ADGRL2: variants seen among roughly 807,000 people sequenced by gnomAD.
ADGRL2 encodes the protein adhesion G protein-coupled receptor L2.
Under a neutral mutation model 157.4 loss-of-function variants are expected in ADGRL2, and 44 were observed. The observed-to-expected ratio is 0.28, with a 90% CI of 0.22 to 0.36. ADGRL2 has a LOEUF of 0.36. Ranked by LOEUF, ADGRL2 falls within the 10% of genes least tolerant of loss-of-function variation. ADGRL2 has a pLI of 1.00. For synonymous variants in ADGRL2, 585 were observed against 624.7 expected, an observed-to-expected ratio of 0.94 and a Z score of 0.95; for missense variants, 1,510 against 1,768.9, an observed-to-expected ratio of 0.85 and a Z score of 2.63.
intron 3 of ADGRL2, among the ~76,000 whole-genome samples, chr1:81,663,818 C>G (rs1254679747): frequency 6.6e-6 from 1 of 152,062 alleles, no homozygotes; most frequent in African/African-American, 2.4e-5. Context: ...AGAATATGAC[C>G]TTTAAGAATT....
At chr1:81,938,671 ACT>A (rs1293147005) in intron 4 of ADGRL2, among the ~76,000 whole-genome samples, 1 of 151,444 alleles carries the variant, frequency 6.6e-6, no homozygotes, top group African/African-American at 2.4e-5. Context: ...TTTTTTAATC[ACT>A]CTTTGCTAAA....
chr1:81,800,274 A>G (rs747542504), upstream of ADGRL2: 4 of 152,214 alleles, frequency 2.6e-5, no homozygotes, highest in Admixed American at 1.3e-4. Context: ...ACTACAAAGA[A>G]AAAAATCATC....
chr1:81,397,439 C>T (rs908418078), intron 1 of ADGRL2, among the ~76,000 whole-genome samples: 1 of 151,006 alleles, frequency 6.6e-6, no homozygotes, highest in Non-Finnish European at 1.5e-5. Context: ...CCTGCCTCAG[C>T]CTCCCAAGTA....
At chr1:81,473,094 A>G (rs1222956808) in intron 2 of ADGRL2, among the ~76,000 whole-genome samples, 1 of 151,504 alleles carries the variant, frequency 6.6e-6, no homozygotes, top group Non-Finnish European at 1.5e-5. Context: ...GAGAGAGGGA[A>G]AGAGAGAGAG....
rs764039251 is a variant in ADGRL2 at position 81,343,087 on chromosome 1, C to CTTTTTTTTTTTTTT, written c.-302+36582_-302+36583insTTTTTTTTTTTTTT. On this transcript the variant is annotated intron_variant, in intron 1 of 24. Coordinates refer to the ADGRL2 transcript ENST00000370721. ...TTTTTCTTTTCTTTTTTTCTTTTTT[C>CTTTTTTTTTTTTTT]TTTTCTTTTTTTTTTTTTTGAGACA... Among the ~76,000 whole-genome samples the CTTTTTTTTTTTTTT allele has an allele frequency of 7.8e-5, 10 of 127,490 alleles. 1 individual carries two copies. The highest frequency in any genetic ancestry group is 2.5e-4 in the Admixed American group (3 of 12,082). 83.6% of individuals were successfully genotyped at this position (127,490 alleles called of 152,430 possible). A position where few individuals can be genotyped will look rare whatever the true frequency, so the allele number is the denominator to read the frequency against.
chr1:81,943,386 G>T lies in ADGRL2; in HGVS notation c.827G>T (p.Gly276Val). Residue 276 changes from glycine to valine, a missense_variant, in exon 6 of 24, where the codon GGT becomes GTT. Around this residue, in one of 4 missense-constraint regions of ADGRL2, gnomAD observed 361 missense variants for 498.4 expected, o/e 0.72. Transcript: ENST00000686636. This position sits in a 1 kb window ranked among gnomAD's most constrained non-coding sequence, Gnocchi z 5.6. Reference protein sequence around the residue: ...TDIDLAVDENGLWVIYATEQN... With the variant: ...TDIDLAVDENVLWVIYATEQN... Reference sequence around the variant, plus strand: ...ATCGACCTAGCAGTTGATGAAAATGGTTTATGGGTCATTTACGCCACTGAA... The same window carrying T: ...ATCGACCTAGCAGTTGATGAAAATGTTTTATGGGTCATTTACGCCACTGAA... The T allele has an allele frequency of 6.2e-7, 1 of 1,613,668 alleles. No homozygotes were observed. Among genetic ancestry groups the T allele is most frequent in the Non-Finnish European group, 8.5e-7 (1 of 1,179,754 alleles).
intron 1 of ADGRL2, among the ~76,000 whole-genome samples, chr1:81,715,502 T>C (rs2084084610): frequency 6.6e-6 from 1 of 152,096 alleles, no homozygotes; most frequent in Non-Finnish European, 1.5e-5. Flanking sequence ...CTTTCAACCT[T>C]TTAAAATCAT....
At chr1:81,485,745 A>AT (rs2078486472) in intron 2 of ADGRL2, among the ~76,000 whole-genome samples, 1 of 152,162 alleles carries the variant, frequency 6.6e-6, no homozygotes, top group Non-Finnish European at 1.5e-5. Flanking sequence ...AGATAAGTAA[A>AT]CAAACATTTA....
In ADGRL2 at chr1:81,963,960, A is replaced by G. The variant is rs1346586019; in HGVS notation, c.2018-2098A>G. On this transcript the variant is annotated intron_variant, in intron 11 of 23. Coordinates refer to ENST00000686636, the MANE Select transcript of ADGRL2 (RefSeq NM_001366006.2). ...TTAGGGTTTTTAATTTCTTTTAGTC[A>G]GTTTTATTTTTCTAGGAAAGTTTCT... Among the ~76,000 whole-genome samples, 5 of 151,124 alleles carry G rather than the reference A, an allele frequency of 3.3e-5. No individual in the cohort carries two copies. In the East Asian group the frequency reaches 9.8e-4, roughly 30 times the overall value.
intron 1 of ADGRL2, among the ~76,000 whole-genome samples, chr1:81,307,249 T>C (rs962674665): frequency 6.6e-6 from 1 of 152,216 alleles, no homozygotes; most frequent in East Asian, 1.9e-4. Flanking sequence ...AATAGCCAAA[T>C]GATTAGGTTT....
chr1:81,540,991 A>G (rs1251398072), intron 2 of ADGRL2, among the ~76,000 whole-genome samples: 1 of 152,162 alleles, frequency 6.6e-6, no homozygotes, highest in Non-Finnish European at 1.5e-5. Context: ...CAATCAATCA[A>G]TGAACAATCA....
intron 2 of ADGRL2, among the ~76,000 whole-genome samples, chr1:81,496,158 C>A (rs191759887): frequency 5.3e-5 from 8 of 152,216 alleles, no homozygotes; most frequent in Admixed American, 2.0e-4. Flanking sequence ...ATGTCACAAT[C>A]GTTTTAATTT....
At chr1:81,343,197 G>C (rs7521100) in intron 1 of ADGRL2, among the ~76,000 whole-genome samples, 57,861 of 148,302 alleles carry the variant, frequency 0.39, 11,870 homozygotes, top group African/African-American at 0.52. Context: ...CCAAGCAATT[G>C]TCACGCCTTA....
At chr1:81,311,358 T>C (rs933399530) in intron 1 of ADGRL2, among the ~76,000 whole-genome samples, 1 of 152,200 alleles carries the variant, frequency 6.6e-6, no homozygotes, top group Non-Finnish European at 1.5e-5. Context: ...CTATTCTCAA[T>C]GCCTGCAGTT....
At chr1:81,803,745 C>G (rs565820583) in intron 1 of ADGRL2, among the ~76,000 whole-genome samples, 1 of 152,240 alleles carries the variant, frequency 6.6e-6, no homozygotes, top group East Asian at 1.9e-4. Context: ...CTAAGGCACT[C>G]TCTTCCCCAC....
chr1:81,545,015 C>T lies in ADGRL2; in HGVS notation c.-247-35861C>T, dbSNP rs961682876. 2.6e-5 allele frequency among the ~76,000 whole-genome samples: 4 copies of T among 152,118 alleles called. No homozygotes were observed. The East Asian group carries it at 5.8e-4, about 22-fold the overall frequency. ...GGGTATACGACAAAGACCCAGGTCA[C>T]GAGACATCCCTGGTTCCATCACCTT... On this transcript the variant is annotated intron_variant, in intron 2 of 24. Transcript: ENST00000370721.
intron 2 of ADGRL2, among the ~76,000 whole-genome samples, chr1:81,506,531 G>C (rs2078978887): frequency 6.6e-6 from 1 of 151,966 alleles, no homozygotes; most frequent in South Asian, 2.1e-4. Context: ...ATGACATAAG[G>C]AGACCCCATC....
chr1:81,852,524 C>A (rs966787219), intron 2 of ADGRL2, among the ~76,000 whole-genome samples: 1 of 152,118 alleles, frequency 6.6e-6, no homozygotes, highest in Non-Finnish European at 1.5e-5. Context: ...CTCCCCGATA[C>A]AACATTGACT....
At chr1:81,434,333 T>G (rs1211473187) in intron 1 of ADGRL2, among the ~76,000 whole-genome samples, 2 of 152,240 alleles carry the variant, frequency 1.3e-5, no homozygotes, top group East Asian at 3.9e-4. Context: ...TATTATTTTC[T>G]GGGTACTTAT....
Sources: allele counts gnomAD v4.1 joint callset (sites outside exome capture counted in the v4.1 genomes callset), GRCh38; gene constraint gnomAD v4.1.1; regional missense constraint gnomAD v4.1.1; non-coding constraint Gnocchi (gnomAD v3.1); transcripts MANE v1.5; gene names NCBI Gene and HGNC (gene_info 2026-07-23, HGNC 2026-07-21).